Variants in SCAMP2 observed in about 807,000 individuals in gnomAD.
SCAMP2 encodes secretory carrier-associated membrane protein 2.
SCAMP2 carries 25 observed loss-of-function variants against 44.1 expected under a neutral mutation model. The ratio of observed to expected loss-of-function variants is 0.57; its 90% CI spans 0.41 to 0.79. SCAMP2 has a LOEUF of 0.79. Among genes scored for constraint, SCAMP2 ranks in the 30% least tolerant of loss-of-function variants. SCAMP2 has a pLI of 0.00. For missense variants in SCAMP2, 355 were observed against 411.0 expected (o/e 0.86, Z 1.18); for synonymous variants, 156 against 166.0 (o/e 0.94, Z 0.46).
chr15:74,873,270 A>AG lies in SCAMP2; in HGVS notation c.-16dup. The AG allele has an allele frequency of 6.8e-7, 1 of 1,479,942 alleles. No homozygotes were observed. The highest frequency in any genetic ancestry group is 1.5e-5 in the African/African-American group (1 of 67,834). The allele number at this position is 1,479,942 out of a possible 1,614,324, so 91.7% of individuals were successfully genotyped here. ...AAAGCCGACATGGTGATCGGGGGCC[A>AG]GCGGGCGAACTCCGCGAACGCTGCT... On this transcript the variant is annotated 5_prime_UTR_variant, in exon 1 of 9. Transcript: ENST00000268099.
chr15:74,857,047 A>T (rs1282429108), intron 1 of SCAMP2, among the ~76,000 whole-genome samples: 1 of 152,228 alleles, frequency 6.6e-6, no homozygotes, highest in Non-Finnish European at 1.5e-5. Flanking sequence ...GCTGAGGGTC[A>T]GCATTGAATA....
At position 74,873,304 on chromosome 15, in the gene SCAMP2, G is replaced by A. The variant is rs903092963; in HGVS notation, c.-49C>T. 1.0e-5 allele frequency: 15 copies of A among 1,463,056 alleles called. No homozygotes were observed. Among genetic ancestry groups the A allele is most frequent in the Non-Finnish European group, 1.4e-5 (15 of 1,110,202 alleles). 90.6% of individuals were successfully genotyped at this position (1,463,056 alleles called of 1,614,324 possible). ...ACTCCGCGAACGCTGCTGCCTCCGG[G>A]CACCCAGACCCAGCGGCGCTTCGTG... On this transcript the variant is annotated 5_prime_UTR_variant, in exon 1 of 9. Coordinates refer to ENST00000268099, the MANE Select transcript of SCAMP2 (RefSeq NM_005697.5).
Position 74,851,209 on chromosome 15 carries a change from A to G in SCAMP2, c.472+144T>C. On this transcript the variant is annotated intron_variant, in intron 5 of 8. Transcript: ENST00000268099. ...CAGGGGGCAGCCTGTGGGCAGAGGC[A>G]TCTCCCCAACCCAGCCCAGGCACTG... 4.3e-6 allele frequency: 4 copies of G among 922,512 alleles called. No individual in the cohort carries two copies. In the South Asian group the frequency reaches 4.9e-5, roughly 11 times the overall value. The allele number at this position is 922,512 out of a possible 1,614,324, so 57.1% of individuals were successfully genotyped here.
chr15:74,864,314 G>C (rs897675707), intron 1 of SCAMP2, among the ~76,000 whole-genome samples: 2 of 152,150 alleles, frequency 1.3e-5, no homozygotes, highest in African/African-American at 4.8e-5. Context: ...GTCCGCCTTG[G>C]CCTCCCAAAG....
rs34812536 is a variant in SCAMP2 at position 74,856,264 on chromosome 15, C to CTTT, written c.58-1618_58-1616dup. 3.2e-3 allele frequency among the ~76,000 whole-genome samples: 194 copies of CTTT among 60,418 alleles called. 16 individuals are homozygous for CTTT. Among genetic ancestry groups the CTTT allele is most frequent in the East Asian group, 7.8e-3 (12 of 1,548 alleles). The allele number at this position is 60,418 out of a possible 152,430, so 39.6% of individuals were successfully genotyped here. A position where few individuals can be genotyped will look rare whatever the true frequency, so the allele number is the denominator to read the frequency against. The stretch of plus-strand genomic sequence containing the variant: ...ACTGGAAGCCTCTGCAGAGCCAGTT[C>CTTT]TTTTTTTTTTTTTTTTTTTTTTTTT... On this transcript the variant is annotated intron_variant, in intron 1 of 8. Transcript: ENST00000268099.
At chr15:74,851,894 C>T in intron 4 of SCAMP2, 175 bp downstream of exon 4, 1 of 511,992 alleles carries the variant, frequency 2.0e-6, no homozygotes, top group Non-Finnish European at 3.5e-6. Context: ...AACTACACTG[C>T]AGGTCTCCTG....
chr15:74,844,534 G>T lies in SCAMP2; in HGVS notation c.*549C>A, dbSNP rs2064376329. 6.5e-6 allele frequency: 1 copy of T among 152,694 alleles called. No homozygotes were observed. Among genetic ancestry groups the T allele is most frequent in the Non-Finnish European group, 1.5e-5 (1 of 68,402 alleles). 9.5% of individuals were successfully genotyped at this position (152,694 alleles called of 1,614,324 possible). On this transcript the variant is annotated 3_prime_UTR_variant, in exon 9 of 9. Coordinates refer to ENST00000268099, the MANE Select transcript of SCAMP2 (RefSeq NM_005697.5). Reference sequence around the variant, plus strand: ...CTTCTCTGGATCCGTTTATGAGGCAGAGAAGAGCTTGAGGCAACCAGCCTT... The same window carrying T: ...CTTCTCTGGATCCGTTTATGAGGCATAGAAGAGCTTGAGGCAACCAGCCTT...
At chr15:74,860,866 C>T (rs1400079923) in intron 1 of SCAMP2, among the ~76,000 whole-genome samples, 1 of 149,406 alleles carries the variant, frequency 6.7e-6, no homozygotes, top group Admixed American at 6.7e-5. Flanking sequence ...AAAAAATAAA[C>T]AATAATAATA....
intron 1 of SCAMP2, among the ~76,000 whole-genome samples, chr15:74,856,749 A>G (rs2064471590): frequency 6.6e-6 from 1 of 151,816 alleles, no homozygotes; most frequent in South Asian, 2.1e-4. Flanking sequence ...ATGAGCCACC[A>G]GGCCTGGCTG....
intron 1 of SCAMP2, among the ~76,000 whole-genome samples, chr15:74,859,196 C>T (rs988161067): frequency 6.6e-6 from 1 of 152,180 alleles, no homozygotes; most frequent in East Asian, 1.9e-4. Flanking sequence ...TGCAGTGCCA[C>T]TCAGAGTGGC....
intron 1 of SCAMP2, among the ~76,000 whole-genome samples, chr15:74,854,880 T>C (rs993302485): frequency 2.0e-5 from 3 of 151,952 alleles, no homozygotes. Flanking sequence ...AGAGCAAGCT[T>C]TACCCAGAAG....
At chr15:74,846,766 ATAAT>A (rs1030431865) in intron 7 of SCAMP2, among the ~76,000 whole-genome samples, 3 of 152,146 alleles carry the variant, frequency 2.0e-5, no homozygotes, top group African/African-American at 4.8e-5. Flanking sequence ...ATCTCAAAAA[ATAAT>A]TAATTAAAAA....
At chr15:74,862,853 T>TACACACACACACACACACACACAC (rs112611741) in intron 1 of SCAMP2, among the ~76,000 whole-genome samples, 1 of 87,482 alleles carries the variant, frequency 1.1e-5, no homozygotes, top group Non-Finnish European at 2.4e-5. Context: ...AAACAAACCA[T>TACACACACACACACACACACACAC]ACACACACAC....
chr15:74,855,381 C>T (rs968801561), intron 1 of SCAMP2, among the ~76,000 whole-genome samples: 8 of 151,894 alleles, frequency 5.3e-5, no homozygotes, highest in African/African-American at 1.9e-4. Flanking sequence ...GGATTACAGG[C>T]GTGAGCCACC....
rs778004783 is a variant in SCAMP2 at position 74,844,855 on chromosome 15, C to G, written c.*228G>C. The G allele has an allele frequency of 1.8e-5, 9 of 505,336 alleles. No individual in the cohort carries two copies. Among genetic ancestry groups the G allele is most frequent in the African/African-American group, 1.3e-4 (7 of 52,066 alleles). 31.3% of individuals were successfully genotyped at this position (505,336 alleles called of 1,614,324 possible). ...AGACAAAAGAATCCTACCAAACCAT[C>G]ACCAGAGAAGGAAAGAGAGCTTTGT... On this transcript the variant is annotated 3_prime_UTR_variant, in exon 9 of 9. Coordinates refer to ENST00000268099, the MANE Select transcript of SCAMP2 (RefSeq NM_005697.5).
chr15:74,869,981 G>A (rs2064565356), intron 1 of SCAMP2, among the ~76,000 whole-genome samples: 1 of 152,150 alleles, frequency 6.6e-6, no homozygotes, highest in African/African-American at 2.4e-5. Context: ...GGAAAAGGTG[G>A]GCAGCTCTGA....
chr15:74,868,347 C>G (rs893891196), intron 1 of SCAMP2, among the ~76,000 whole-genome samples: 2 of 152,168 alleles, frequency 1.3e-5, no homozygotes, highest in Non-Finnish European at 2.9e-5. Flanking sequence ...GAAGCAGGCA[C>G]TTAATAAAGA....
In SCAMP2 at chr15:74,853,598, G is replaced by A. The variant is rs77832295; in HGVS notation, c.225+423C>T. 146 of 387,854 alleles carry A rather than the reference G, an allele frequency of 3.8e-4. 1 individual carries two copies. In the East Asian group the frequency reaches 9.9e-3, roughly 26 times the overall value. 24.0% of individuals were successfully genotyped at this position (387,854 alleles called of 1,614,324 possible). On this transcript the variant is annotated intron_variant, in intron 3 of 8. Coordinates refer to ENST00000268099, the MANE Select transcript of SCAMP2 (RefSeq NM_005697.5). Reference sequence around the variant, plus strand: ...CAGTGGAGCACCAGGCACAAAGCAGGCAAGATTCACAGTATTTGGTGAAGG... The same window carrying A: ...CAGTGGAGCACCAGGCACAAAGCAGACAAGATTCACAGTATTTGGTGAAGG...
chr15:74,870,096 C>T (rs1406416203), intron 1 of SCAMP2, among the ~76,000 whole-genome samples: 3 of 152,202 alleles, frequency 2.0e-5, no homozygotes, highest in Non-Finnish European at 2.9e-5. Context: ...AAATCGCAGC[C>T]AGCCAGCCAG....
Sources: allele counts gnomAD v4.1 joint callset (sites outside exome capture counted in the v4.1 genomes callset), GRCh38; gene constraint gnomAD v4.1.1; transcripts MANE v1.5; gene names NCBI Gene and HGNC (gene_info 2026-07-23, HGNC 2026-07-21).